Variants in DLGAP2 observed in about 807,000 individuals in gnomAD.
DLGAP2 encodes disks large-associated protein 2.
A neutral mutation model predicts 100.3 loss-of-function variants in DLGAP2; 26 were observed. The ratio of observed to expected loss-of-function variants is 0.26; its 90% CI spans 0.19 to 0.36. The LOEUF (loss-of-function observed/expected upper bound fraction) is 0.36, where lower values mean the gene tolerates loss of function less well. Ranked by LOEUF, DLGAP2 falls within the 10% of genes least tolerant of loss-of-function variation. The probability of loss-of-function intolerance (pLI) is 1.00; values close to 1 mark genes in which losing one functional copy is unlikely to be tolerated. For missense variants in DLGAP2, 1,858 were observed against 1,453.2 expected, an observed-to-expected ratio of 1.28 and a Z score of -4.53; for synonymous variants, 886 against 630.1, an observed-to-expected ratio of 1.41 and a Z score of -6.08.
chr8:1,111,076 C>T (rs923395973), intron 2 of DLGAP2, among the ~76,000 whole-genome samples: 7 of 152,234 alleles, frequency 4.6e-5, no homozygotes, highest in Non-Finnish European at 1.0e-4. Flanking sequence ...CAGTGCCCGA[C>T]TCCGGGGCTG....
In DLGAP2 at chr8:1,549,436, C is replaced by T; in HGVS notation, c.983C>T (p.Pro328Leu). ...HHLGPVAHCY[P>L]DALQSPFGDL... is the part of the protein sequence containing the mutation. ...CTGGGCCCCGTGGCCCACTGCTACCCCGACGCGCTGCAGAGCCCCTTCGGG... is the reference window on the plus strand; with the variant it reads ...CTGGGCCCCGTGGCCCACTGCTACCTCGACGCGCTGCAGAGCCCCTTCGGG... The change falls in exon 5 of 15, where the codon CCC (proline) becomes CTC (leucine). Residue 328 changes from proline (P) to leucine (L), a missense_variant. By Grantham distance (98) the Pro-to-Leu change is moderately conservative. Coordinates refer to ENST00000637795, the MANE Select transcript of DLGAP2 (RefSeq NM_001346810.2). 1.9e-6 allele frequency: 3 copies of T among 1,613,482 alleles called. No individual in the cohort carries two copies. The highest frequency in any genetic ancestry group is 1.1e-5 in the South Asian group (1 of 91,064).
At chr8:1,147,937 C>A (rs1300693430) in intron 2 of DLGAP2, among the ~76,000 whole-genome samples, 2 of 152,134 alleles carry the variant, frequency 1.3e-5, no homozygotes, top group Non-Finnish European at 2.9e-5. Context: ...AACAGATTGT[C>A]TATTTTTTAA....
chr8:1,278,541 A>C (rs1799752744), intron 3 of DLGAP2, among the ~76,000 whole-genome samples: 1 of 152,228 alleles, frequency 6.6e-6, no homozygotes, highest in Non-Finnish European at 1.5e-5. Flanking sequence ...GAACTTGATG[A>C]ATCTTTAAAA....
In DLGAP2 at chr8:1,165,520, T is replaced by C. The variant is rs78245641; in HGVS notation, c.74-93331T>C. Among the ~76,000 whole-genome samples, 37 of 152,284 alleles carry C rather than the reference T, an allele frequency of 2.4e-4. 1 individual carries two copies. The East Asian group carries it at 6.9e-3, about 29-fold the overall frequency. On this transcript the variant is annotated intron_variant, in intron 2 of 14. Coordinates refer to ENST00000637795, the MANE Select transcript of DLGAP2 (RefSeq NM_001346810.2). ...ATGTGTACATTTGCTCATCAGATGGTGATTTGCATGGCATGTGTTGCCAAG... is the reference window on the plus strand; with the variant it reads ...ATGTGTACATTTGCTCATCAGATGGCGATTTGCATGGCATGTGTTGCCAAG...
intron 2 of DLGAP2, among the ~76,000 whole-genome samples, chr8:999,479 T>C (rs1209435471): frequency 6.6e-6 from 1 of 151,356 alleles, no homozygotes; most frequent in Non-Finnish European, 1.5e-5. Context: ...TGGTGGTTTT[T>C]CTTTTTTTTT....
At chr8:1,081,622 A>G (rs565576522) in intron 2 of DLGAP2, among the ~76,000 whole-genome samples, 2 of 152,300 alleles carry the variant, frequency 1.3e-5, no homozygotes, top group East Asian at 3.9e-4. Context: ...AAGTGCATGG[A>G]TTACAGGCGT....
intron 2 of DLGAP2, among the ~76,000 whole-genome samples, chr8:1,109,977 G>T (rs1420835496): frequency 8.8e-6 from 1 of 113,220 alleles, no homozygotes; most frequent in East Asian, 2.9e-4. Context: ...AGGTGTGTAC[G>T]GGTCTGTGAG....
intron 3 of DLGAP2, among the ~76,000 whole-genome samples, chr8:1,337,702 A>G (rs1284846911): frequency 7.9e-5 from 12 of 152,176 alleles, no homozygotes; most frequent in Non-Finnish European, 1.3e-4. Flanking sequence ...AAAACAGACA[A>G]ACTTTATTGA....
intron 6 of DLGAP2, among the ~76,000 whole-genome samples, chr8:1,598,026 G>T (rs115938681): frequency 6.6e-6 from 1 of 150,648 alleles, no homozygotes; most frequent in Non-Finnish European, 1.5e-5. Flanking sequence ...AGCTCTTATT[G>T]AGATACTTCA....
chr8:1,490,672 G>T (rs953816884), intron 3 of DLGAP2, among the ~76,000 whole-genome samples: 1 of 152,170 alleles, frequency 6.6e-6, no homozygotes, highest in Non-Finnish European at 1.5e-5. Flanking sequence ...CCTCAGCCCT[G>T]GCTGTGGATT....
intron 2 of DLGAP2, among the ~76,000 whole-genome samples, chr8:1,204,881 C>A (rs1208489141): frequency 6.6e-6 from 1 of 152,216 alleles, no homozygotes; most frequent in East Asian, 1.9e-4. Context: ...CTCTCCAGAG[C>A]CTGGACTTGG....
intron 11 of DLGAP2, among the ~76,000 whole-genome samples, chr8:1,677,131 C>G (rs537477191): frequency 6.6e-6 from 1 of 152,304 alleles, no homozygotes; most frequent in South Asian, 2.1e-4. Context: ...CATGTATTGT[C>G]TATTTCATAA....
In DLGAP2 at chr8:1,702,439, G is replaced by A. The variant is rs952092946; in HGVS notation, c.*1033G>A. On this transcript the variant is annotated 3_prime_UTR_variant, in exon 15 of 15. Transcript: ENST00000637795. ...GTGATGTAAAAAGTTTAAGAAATATGAATGTGAGTGGTAAGTATATCTCAG... is the reference window on the plus strand; with the variant it reads ...GTGATGTAAAAAGTTTAAGAAATATAAATGTGAGTGGTAAGTATATCTCAG... The A allele has an allele frequency of 6.6e-6, 1 of 152,584 alleles. No individual in the cohort carries two copies. The highest frequency in any genetic ancestry group is 1.9e-4 in the East Asian group (1 of 5,196). The allele number at this position is 152,584 out of a possible 1,614,324, so 9.5% of individuals were successfully genotyped here. A position where few individuals can be genotyped will look rare whatever the true frequency, so the allele number is the denominator to read the frequency against.
At chr8:1,654,528 G>A (rs1798238796) in intron 8 of DLGAP2, among the ~76,000 whole-genome samples, 1 of 152,096 alleles carries the variant, frequency 6.6e-6, no homozygotes, top group African/African-American at 2.4e-5. Context: ...AGGCATGGTG[G>A]CAAGCGCCTG....
At chr8:1,481,913 C>A (rs973743744) in intron 3 of DLGAP2, among the ~76,000 whole-genome samples, 1 of 152,210 alleles carries the variant, frequency 6.6e-6, no homozygotes, top group East Asian at 1.9e-4. Context: ...AGCTTCCAGC[C>A]CGACCCGATT....
chr8:1,578,070 A>C (rs149541190), intron 6 of DLGAP2, among the ~76,000 whole-genome samples: 1 of 152,386 alleles, frequency 6.6e-6, no homozygotes, highest in Non-Finnish European at 1.5e-5. Context: ...ATTGTATTTT[A>C]AACAGAATTG....
At chr8:1,252,988 C>G (rs1288426737) in intron 2 of DLGAP2, among the ~76,000 whole-genome samples, 5 of 152,230 alleles carry the variant, frequency 3.3e-5, no homozygotes, top group South Asian at 4.1e-4. Context: ...GGCCTCGCAT[C>G]TAGGCACCCC....
intron 3 of DLGAP2, among the ~76,000 whole-genome samples, chr8:1,384,167 G>A (rs1230671268): frequency 4.6e-5 from 7 of 152,270 alleles, no homozygotes; most frequent in Admixed American, 4.6e-4. Flanking sequence ...GAAAGTTACT[G>A]TGACCAAAGG....
In DLGAP2 at chr8:1,199,948, AC is replaced by A. The variant is rs778425207; in HGVS notation, c.74-58897del. Among the ~76,000 whole-genome samples, 202 of 140,424 alleles carry A rather than the reference AC, an allele frequency of 1.4e-3. 1 individual carries two copies. The highest frequency in any genetic ancestry group is 2.6e-3 in the Non-Finnish European group (160 of 62,254). The allele number at this position is 140,424 out of a possible 152,430, so 92.1% of individuals were successfully genotyped here. Reference sequence around the variant, plus strand: ...CGAGGTGGAAGGATTCCCCCCCACAACCCCCCGCAGAGGCCGGGTCTCAGCA... The same window carrying A: ...CGAGGTGGAAGGATTCCCCCCCACAACCCCCGCAGAGGCCGGGTCTCAGCA... On this transcript the variant is annotated intron_variant, in intron 2 of 14. Coordinates refer to ENST00000637795, the MANE Select transcript of DLGAP2 (RefSeq NM_001346810.2).
Sources: allele counts gnomAD v4.1 joint callset (sites outside exome capture counted in the v4.1 genomes callset), GRCh38; gene constraint gnomAD v4.1.1; transcripts MANE v1.5; gene names NCBI Gene and HGNC (gene_info 2026-07-23, HGNC 2026-07-21).